The following SORCS3 variants were observed in gnomAD, a reference collection of about 807,000 sequenced individuals.
The protein encoded by SORCS3 is sortilin related VPS10 domain containing receptor 3, also known as VPS10 domain-containing receptor SorCS3.
In SORCS3, 57 loss-of-function variants were observed where a neutral mutation model predicts 146.3. That is an observed-to-expected ratio of 0.39 (90% confidence interval 0.31 to 0.49). SORCS3 has a LOEUF of 0.49. SORCS3 is among the 20% of genes least tolerant of loss of function. SORCS3 has a pLI of 0.92. For missense variants in SORCS3, 1,341 were observed against 1,575.5 expected (o/e 0.85, Z 2.52); for synonymous variants, 653 against 618.5 (o/e 1.06, Z -0.83).
At chr10:105,240,788 G>A (rs1312389873) in intron 20 of SORCS3, among the ~76,000 whole-genome samples, 1 of 151,894 alleles carries the variant, frequency 6.6e-6, no homozygotes, top group Non-Finnish European at 1.5e-5. Context: ...CCCCTTCTAA[G>A]TCAATCTCCA....
chr10:105,190,982 A>G (rs2056513617), intron 14 of SORCS3, among the ~76,000 whole-genome samples: 1 of 152,242 alleles, frequency 6.6e-6, no homozygotes, highest in African/African-American at 2.4e-5. Context: ...TGAGGAAAGT[A>G]AGTTTAAAGT....
intron 1 of SORCS3, among the ~76,000 whole-genome samples, chr10:104,815,016 C>T (rs898464669): frequency 6.6e-6 from 1 of 152,118 alleles, no homozygotes; most frequent in South Asian, 2.1e-4. Context: ...AGAGGGAAGA[C>T]ACAATCCCTG....
intron 1 of SORCS3, among the ~76,000 whole-genome samples, chr10:104,702,037 C>T (rs186790918): frequency 3.1e-4 from 47 of 152,248 alleles, no homozygotes; most frequent in African/African-American, 1.0e-3. Flanking sequence ...CAACCATACA[C>T]AATGCATACA....
chr10:104,910,137 A>C lies in SORCS3; in HGVS notation c.696-5696A>C, dbSNP rs373419716. Among the ~76,000 whole-genome samples, 16 of 152,344 alleles carry C rather than the reference A, an allele frequency of 1.1e-4. No homozygotes were observed. In the East Asian group the frequency reaches 2.3e-3, roughly 22 times the overall value. The stretch of plus-strand genomic sequence containing the variant: ...ACGAAGTTGAAGAGGGAGGATGTCC[A>C]GTCTGCCAGTCAGCATCAGGTACCT... On this transcript the variant is annotated intron_variant, in intron 2 of 26. Coordinates refer to ENST00000369701, the MANE Select transcript of SORCS3 (RefSeq NM_014978.3).
chr10:105,252,691 C>G (rs367939740), intron 22 of SORCS3, 84 bp from the exon 23 acceptor site: 12 of 1,543,778 alleles, frequency 7.8e-6, no homozygotes, highest in East Asian at 6.8e-5. Context: ...CATGAGCCAT[C>G]TGGCTGTGCA....
At chr10:104,680,015 G>GGTGCT (rs1272431470) in intron 1 of SORCS3, among the ~76,000 whole-genome samples, 1 of 152,146 alleles carries the variant, frequency 6.6e-6, no homozygotes, top group African/African-American at 2.4e-5. Flanking sequence ...CCTTGACCTG[G>GGTGCT]GTGCTGCAGT....
intron 14 of SORCS3, among the ~76,000 whole-genome samples, chr10:105,185,369 C>T (rs1367171228): frequency 6.6e-6 from 1 of 152,150 alleles, no homozygotes; most frequent in Non-Finnish European, 1.5e-5. Flanking sequence ...AAGTCCAACA[C>T]CCTGTAGTCC....
At chr10:104,883,417 G>C (rs1182548965) in intron 2 of SORCS3, among the ~76,000 whole-genome samples, 2 of 152,194 alleles carry the variant, frequency 1.3e-5, no homozygotes, top group African/African-American at 4.8e-5. Context: ...AGAAGATTAA[G>C]TGCCTTTGAG....
Position 105,223,222 on chromosome 10 carries a change from T to C in SORCS3, c.2841T>C (p.Tyr947=), listed in dbSNP as rs756341611. The C allele has an allele frequency of 1.0e-4, 166 of 1,612,152 alleles. No individual in the cohort carries two copies. Among genetic ancestry groups the C allele is most frequent in the Non-Finnish European group, 1.3e-4 (158 of 1,178,672 alleles). Residue 947 remains tyrosine, a synonymous_variant, in exon 20 of 27, where the codon TAT becomes TAC. Coordinates refer to ENST00000369701, the MANE Select transcript of SORCS3 (RefSeq NM_014978.3). ...VWPSQLGTLT[Y]FWWFGNSTKP... is the part of the protein sequence containing the mutation. ...CCAGTCAACTGGGGACCCTTACCTA[T>C]TTCTGGTGGTTCGGCAATAGCACAA...
At chr10:104,962,263 G>GA (rs969196005) in intron 3 of SORCS3, among the ~76,000 whole-genome samples, 1 of 152,070 alleles carries the variant, frequency 6.6e-6, no homozygotes, top group East Asian at 1.9e-4. Flanking sequence ...ACAGTGATTT[G>GA]AAAAAACTCT....
chr10:105,052,070 A>G (rs1294388386), intron 5 of SORCS3, among the ~76,000 whole-genome samples: 2 of 152,018 alleles, frequency 1.3e-5, no homozygotes, highest in African/African-American at 4.8e-5. Flanking sequence ...AGAATGGTCA[A>G]CTCTTTGGAA....
intron 1 of SORCS3, among the ~76,000 whole-genome samples, chr10:104,791,018 A>G (rs929407856): frequency 2.6e-5 from 4 of 152,214 alleles, no homozygotes; most frequent in Middle Eastern, 3.2e-3. Flanking sequence ...AAGCAGCATC[A>G]TTCCCTTGGC....
chr10:104,847,093 T>C (rs906470879), intron 2 of SORCS3, among the ~76,000 whole-genome samples: 2 of 152,182 alleles, frequency 1.3e-5, no homozygotes, highest in East Asian at 3.9e-4. Context: ...CTCATTTCCA[T>C]GAGAACTGCA....
intron 2 of SORCS3, among the ~76,000 whole-genome samples, chr10:104,860,361 T>C (rs1013990154): frequency 4.6e-5 from 6 of 130,750 alleles, no homozygotes; most frequent in South Asian, 2.7e-4. Flanking sequence ...TAGGTGGGAA[T>C]TGAACAGTGA....
intron 1 of SORCS3, among the ~76,000 whole-genome samples, chr10:104,744,826 C>T (rs900847059): frequency 2.0e-5 from 3 of 152,120 alleles, no homozygotes; most frequent in African/African-American, 7.2e-5. Flanking sequence ...TGTTGTATGC[C>T]TGGGACCCAT....
chr10:105,229,591 A>G (rs2056755385), intron 20 of SORCS3, among the ~76,000 whole-genome samples: 1 of 152,118 alleles, frequency 6.6e-6, no homozygotes, highest in South Asian at 2.1e-4. Context: ...ATGCATTAGT[A>G]TAGTGTCTGT....
intron 9 of SORCS3, among the ~76,000 whole-genome samples, chr10:105,151,092 T>C (rs1298137247): frequency 6.6e-6 from 1 of 152,208 alleles, no homozygotes; most frequent in Non-Finnish European, 1.5e-5. Context: ...ATTAGGGTAA[T>C]TATCACAGTC....
rs35604992 is a variant in SORCS3 at position 105,003,998 on chromosome 10, C to CTTTTTTTTTTTTTTTTTTTTTTTTTTTTT, written c.954+26506_954+26507insTTTTTTTTTTTTTTTTTTTTTTTTTTTTT. On this transcript the variant is annotated intron_variant, in intron 4 of 26. Transcript: ENST00000369701. ...TTCCCCTCCTTTTTTTCTCTTCTCTCTCTTTTTTTTTTTTTTACCAGAGAA... is the reference window on the plus strand; with the variant it reads ...TTCCCCTCCTTTTTTTCTCTTCTCTCTTTTTTTTTTTTTTTTTTTTTTTTTTTTTTCTTTTTTTTTTTTTTACCAGAGAA... Among the ~76,000 whole-genome samples the CTTTTTTTTTTTTTTTTTTTTTTTTTTTTT allele has an allele frequency of 3.7e-5, 5 of 136,002 alleles. 1 individual carries two copies. The highest frequency in any genetic ancestry group is 4.7e-5 in the Non-Finnish European group (3 of 64,342). The allele number at this position is 136,002 out of a possible 152,430, so 89.2% of individuals were successfully genotyped here.
intron 5 of SORCS3, among the ~76,000 whole-genome samples, chr10:105,072,053 T>C (rs2055559680): frequency 6.6e-6 from 1 of 152,182 alleles, no homozygotes; most frequent in African/African-American, 2.4e-5. Context: ...AGTATCAGCA[T>C]TTTAAGCAGG....
Sources: allele counts gnomAD v4.1 joint callset (sites outside exome capture counted in the v4.1 genomes callset), GRCh38; gene constraint gnomAD v4.1.1; transcripts MANE v1.5; gene names NCBI Gene and HGNC (gene_info 2026-07-23, HGNC 2026-07-21).